Variants in DISP1 observed in about 807,000 individuals in gnomAD.
DISP1 encodes the protein dispatched RND transporter family member 1, also known as protein dispatched homolog 1.
In DISP1, 30 loss-of-function variants were observed where a neutral mutation model predicts 37.3. The observed-to-expected ratio is 0.80, with a 90% CI of 0.60 to 1.09. The LOEUF is 1.09. Among genes scored for constraint, DISP1 ranks in the 50% least tolerant of loss-of-function variants. The probability of loss-of-function intolerance (pLI) is 0.00; values close to 1 mark genes in which losing one functional copy is unlikely to be tolerated. For missense variants in DISP1, 1,598 were observed against 1,879.5 expected (o/e 0.85, Z 2.77); for synonymous variants, 634 against 690.2 (o/e 0.92, Z 1.28).
intron 1 of DISP1, among the ~76,000 whole-genome samples, chr1:222,847,531 T>C (rs1466771125): frequency 6.6e-6 from 1 of 152,222 alleles, no homozygotes; most frequent in East Asian, 1.9e-4. Context: ...TTATTTTCTA[T>C]ATCAAACCAT....
chr1:222,853,654 C>T (rs1334858358), intron 1 of DISP1, among the ~76,000 whole-genome samples: 1 of 152,116 alleles, frequency 6.6e-6, no homozygotes, highest in East Asian at 1.9e-4. Context: ...AAATTAAACA[C>T]TGCATGTTCT....
In DISP1 at chr1:222,868,295, G is replaced by T. The variant is rs1036369803; in HGVS notation, c.-159+53217G>T. Among the ~76,000 whole-genome samples the T allele has an allele frequency of 4.6e-5, 7 of 152,020 alleles. No homozygotes were observed. The South Asian group carries it at 1.5e-3, about 32-fold the overall frequency. ...ATGACAGAAGTGAAAAAGGCAAGTT[G>T]CAGAGTAATATGTGTTATCCAATGA... On this transcript the variant is annotated intron_variant, in intron 1 of 8. Transcript: ENST00000675850.
chr1:222,833,416 C>T (rs955146772), intron 1 of DISP1, among the ~76,000 whole-genome samples: 2 of 152,134 alleles, frequency 1.3e-5, no homozygotes, highest in Non-Finnish European at 2.9e-5. Flanking sequence ...GCCCCACAAC[C>T]GCCCTCTAGT....
rs1326917582 is a variant in DISP1, at chr1:223,005,241, T to C, written c.3844T>C (p.Tyr1282His). Residue 1282 changes from tyrosine (Y) to histidine (H), a missense_variant, in exon 9 of 9, where the codon TAT becomes CAT. Tyr to His is a moderately conservative substitution (Grantham distance 83, BLOSUM62 2). Coordinates refer to ENST00000675850, the MANE Select transcript of DISP1 (RefSeq NM_001377229.1). Reference protein sequence around the residue: ...SCPDAYKHLNYGPHSCQQMGD... With the variant: ...SCPDAYKHLNHGPHSCQQMGD... Reference sequence around the variant, plus strand: ...CCCAGATGCCTACAAACACTTGAACTATGGCCCACACTCTTGCCAGCAGAT... The same window carrying C: ...CCCAGATGCCTACAAACACTTGAACCATGGCCCACACTCTTGCCAGCAGAT... 6.2e-7 allele frequency: 1 copy of C among 1,614,062 alleles called. No individual in the cohort carries two copies. The highest frequency in any genetic ancestry group is 8.5e-7 in the Non-Finnish European group (1 of 1,180,024).
chr1:222,822,935 C>T (rs1663312001), intron 1 of DISP1, among the ~76,000 whole-genome samples: 1 of 152,196 alleles, frequency 6.6e-6, no homozygotes, highest in Admixed American at 6.5e-5. Context: ...TAACCTCTCT[C>T]CCAAAGGAAA....
At chr1:222,926,875 A>G (rs2125450089) in intron 1 of DISP1, among the ~76,000 whole-genome samples, 1 of 152,256 alleles carries the variant, frequency 6.6e-6, no homozygotes, top group African/African-American at 2.4e-5. Context: ...AGAGCCAAAC[A>G]CAAGAGGGTA....
At chr1:222,816,881 G>A (rs1661376159) in intron 1 of DISP1, among the ~76,000 whole-genome samples, 1 of 152,056 alleles carries the variant, frequency 6.6e-6, no homozygotes. Context: ...ATTTGTTTAA[G>A]TAGACAATAT....
intron 1 of DISP1, among the ~76,000 whole-genome samples, chr1:222,880,394 C>T (rs1670210815): frequency 6.6e-6 from 1 of 152,044 alleles, no homozygotes; most frequent in Non-Finnish European, 1.5e-5. Flanking sequence ...GCATGTACTA[C>T]TTTTGTAATC....
chr1:222,876,857 A>G (rs1669998618), intron 1 of DISP1, among the ~76,000 whole-genome samples: 1 of 152,196 alleles, frequency 6.6e-6, no homozygotes. Flanking sequence ...TTGTACTTGT[A>G]ATGTTTTATT....
At chr1:222,929,784 C>A (rs1673285987) in intron 2 of DISP1, among the ~76,000 whole-genome samples, 1 of 151,974 alleles carries the variant, frequency 6.6e-6, no homozygotes, top group Non-Finnish European at 1.5e-5. Flanking sequence ...TCTTGCATCT[C>A]CAATAGATTA....
chr1:223,005,292 T>C lies in DISP1; in HGVS notation c.3895T>C (p.Ser1299Pro), dbSNP rs765696705. ...QMGDCLCHQC[S>P]PTTSSFVQIQ... ...GGGGGACTGCTTGTGCCACCAGTGCTCTCCTACCACTAGCAGCTTTGTCCA... is the reference window on the plus strand; with the variant it reads ...GGGGGACTGCTTGTGCCACCAGTGCCCTCCTACCACTAGCAGCTTTGTCCA... The change falls in exon 9 of 9, where the codon TCT becomes CCT. Residue 1299 changes from serine to proline, a missense_variant. By Grantham distance (74) the Ser-to-Pro change is moderately conservative. Transcript: ENST00000675850. 1.9e-6 allele frequency: 3 copies of C among 1,613,732 alleles called. No individual in the cohort carries two copies. The highest frequency in any genetic ancestry group is 8.5e-7 in the Non-Finnish European group (1 of 1,180,018).
intron 4 of DISP1, among the ~76,000 whole-genome samples, chr1:222,984,421 A>ATATATATATATATAT (rs796974033): frequency 3.8e-5 from 4 of 105,796 alleles, no homozygotes; most frequent in East Asian, 2.6e-4. Context: ...AAAAAAAAAA[A>ATATATATATATATAT]ATATATATAT....
chr1:222,908,869 T>TA lies in DISP1; in HGVS notation c.-158-19549dup, dbSNP rs879270761. Among the ~76,000 whole-genome samples the TA allele has an allele frequency of 4.7e-3, 676 of 144,316 alleles. 6 individuals are homozygous for TA. The highest frequency in any genetic ancestry group is 0.015 in the African/African-American group (595 of 39,534). 94.7% of individuals were successfully genotyped at this position (144,316 alleles called of 152,430 possible). A position where few individuals can be genotyped will look rare whatever the true frequency, so the allele number is the denominator to read the frequency against. ...AATTTTTAGTCTTTGACTCTTTCAT[T>TA]AAAAAAAAAAAAGAATTCCTGGAGA... On this transcript the variant is annotated intron_variant, in intron 1 of 8. Transcript: ENST00000675850.
Position 222,964,385 on chromosome 1 carries a change from C to T in DISP1, c.510-18695C>T, listed in dbSNP as rs149569702. 5.8e-3 allele frequency among the ~76,000 whole-genome samples: 882 copies of T among 151,790 alleles called. 6 individuals carry two copies. Among genetic ancestry groups the T allele is most frequent in the African/African-American group, 0.02 (817 of 41,366 alleles). ...GAATGAAGTTTAAGTGTGTCTGATT[C>T]GAAGCCTTCCTCTTAATCACCACTC... is the stretch of plus-strand genomic sequence containing the variant. On this transcript the variant is annotated intron_variant, in intron 3 of 8. Coordinates refer to ENST00000675850, the MANE Select transcript of DISP1 (RefSeq NM_001377229.1).
In DISP1 at chr1:222,914,878, G is replaced by A. The variant is rs539178246; in HGVS notation, c.-158-13552G>A. Reference sequence around the variant, plus strand: ...GGTATTCAGGAAGCTGAGGCAGGAGGATTGGTTGAGCCCAGGAGTTTGAGG... The same window carrying A: ...GGTATTCAGGAAGCTGAGGCAGGAGAATTGGTTGAGCCCAGGAGTTTGAGG... On this transcript the variant is annotated intron_variant, in intron 1 of 8. Transcript: ENST00000675850. 5.9e-5 allele frequency among the ~76,000 whole-genome samples: 9 copies of A among 152,244 alleles called. No homozygotes were observed. The East Asian group carries it at 1.4e-3, about 23-fold the overall frequency.
chr1:222,991,922 C>A, intron 6 of DISP1, 91 bp from the exon 7 acceptor site: 1 of 1,043,226 alleles, frequency 9.6e-7, no homozygotes, highest in South Asian at 1.3e-5. Context: ...CTAAGCAGGT[C>A]ATGGCTTTGA....
At chr1:222,930,064 G>A (rs1390801542) in intron 2 of DISP1, among the ~76,000 whole-genome samples, 3 of 152,114 alleles carry the variant, frequency 2.0e-5, no homozygotes, top group Non-Finnish European at 4.4e-5. Flanking sequence ...TGGGAAATAT[G>A]TATTATAAAG....
intron 1 of DISP1, among the ~76,000 whole-genome samples, chr1:222,855,182 G>C (rs1325705911): frequency 5.9e-5 from 9 of 152,176 alleles, no homozygotes; most frequent in Admixed American, 5.9e-4. Flanking sequence ...CATCATGTAT[G>C]ATGAGGAGCC....
chr1:222,817,639 A>G (rs1661582624), intron 1 of DISP1, among the ~76,000 whole-genome samples: 1 of 152,256 alleles, frequency 6.6e-6, no homozygotes, highest in Admixed American at 6.5e-5. Context: ...GATGAAAAGC[A>G]TGGCCCTTAA....
Sources: gnomAD v4.1 joint callset for allele counts (sites outside exome capture counted in the v4.1 genomes callset) on GRCh38, gnomAD v4.1.1 for gene constraint, MANE v1.5 for transcripts, NCBI Gene and HGNC (gene_info 2026-07-23, HGNC 2026-07-21) for gene names.